The following GRM5 variants were observed in gnomAD, a reference collection of about 807,000 sequenced individuals.
GRM5 encodes the protein glutamate metabotropic receptor 5, also known as metabotropic glutamate receptor 5.
A neutral mutation model predicts 83.1 loss-of-function variants in GRM5; 19 were observed. The ratio of observed to expected loss-of-function variants is 0.23; its 90% CI spans 0.16 to 0.34. The LOEUF (loss-of-function observed/expected upper bound fraction) is 0.34, where lower values mean the gene tolerates loss of function less well. Among genes scored for constraint, GRM5 ranks in the 10% least tolerant of loss-of-function variants. GRM5 has a pLI of 1.00. For missense variants in GRM5, 1,160 were observed against 1,588.3 expected, an observed-to-expected ratio of 0.73 and a Z score of 4.58; for synonymous variants, 675 against 633.6, an observed-to-expected ratio of 1.07 and a Z score of -0.98.
chr11:88,991,544 T>C (rs947677868), intron 2 of GRM5, among the ~76,000 whole-genome samples: 6 of 150,562 alleles, frequency 4.0e-5, no homozygotes, highest in African/African-American at 7.3e-5. Context: ...AAAAAGAGCC[T>C]GCATCACCAA....
Position 88,678,561 on chromosome 11 carries a change from A to G in GRM5, c.912-25158T>C, listed in dbSNP as rs1940394976. 2.0e-5 allele frequency among the ~76,000 whole-genome samples: 3 copies of G among 152,118 alleles called. No individual in the cohort carries two copies. The South Asian group carries it at 6.2e-4, about 32-fold the overall frequency. ...TTCTTTCATCTCTTCAACTGCATTT[A>G]TTTAGCATATCCTGTATGCCAGTCA... On this transcript the variant is annotated intron_variant, in intron 3 of 9. Coordinates refer to ENST00000305447, the MANE Select transcript of GRM5 (RefSeq NM_001143831.3).
chr11:88,796,994 T>C (rs530221370), intron 3 of GRM5, among the ~76,000 whole-genome samples: 1 of 151,606 alleles, frequency 6.6e-6, no homozygotes, highest in South Asian at 2.1e-4. Flanking sequence ...AATTTCTTAG[T>C]ACAGAGTGGA....
chr11:88,636,425 T>C (rs1224321785), intron 4 of GRM5, among the ~76,000 whole-genome samples: 1 of 152,026 alleles, frequency 6.6e-6, no homozygotes, highest in Non-Finnish European at 1.5e-5. Flanking sequence ...GGCAGGATAA[T>C]TGATTGAACC....
At chr11:88,833,745 G>A (rs1944040211) in intron 3 of GRM5, among the ~76,000 whole-genome samples, 1 of 152,122 alleles carries the variant, frequency 6.6e-6, no homozygotes, top group Non-Finnish European at 1.5e-5. Context: ...TAATTGTTAA[G>A]AAATGTGGTA....
chr11:88,995,970 C>A (rs1231368694), intron 2 of GRM5, among the ~76,000 whole-genome samples: 1 of 149,382 alleles, frequency 6.7e-6, no homozygotes, highest in African/African-American at 2.5e-5. Flanking sequence ...AAATGGTCAT[C>A]AAAACCATAA....
At chr11:88,615,506 G>T (rs1938451780) in intron 4 of GRM5, among the ~76,000 whole-genome samples, 1 of 152,106 alleles carries the variant, frequency 6.6e-6, no homozygotes, top group Admixed American at 6.6e-5. Flanking sequence ...AGAGAAGGAA[G>T]CACATGGCTG....
intron 2 of GRM5, among the ~76,000 whole-genome samples, chr11:88,881,428 AG>A (rs34072009): frequency 0.28 from 42,249 of 151,918 alleles, 6,853 homozygotes; most frequent in Non-Finnish European, 0.37. Flanking sequence ...AGAGGGCAAA[AG>A]ATAAACATCT....
chr11:88,849,619 T>C (rs1368873789), intron 3 of GRM5, among the ~76,000 whole-genome samples: 1 of 152,190 alleles, frequency 6.6e-6, no homozygotes, highest in Admixed American at 6.5e-5. Flanking sequence ...CCAAGTGAAT[T>C]ACTCAAGCAT....
At chr11:88,975,533 A>T (rs1266761128) in intron 2 of GRM5, among the ~76,000 whole-genome samples, 12 of 152,142 alleles carry the variant, frequency 7.9e-5, no homozygotes, top group Non-Finnish European at 1.8e-4. Context: ...ACCCTTCATT[A>T]TATCTCAAAG....
rs199919661 is a variant in GRM5, at chr11:88,509,091, A to G, written c.3140T>C (p.Val1047Ala). The change falls in exon 10 of 10, where the codon GTG becomes GCG. Residue 1047 changes from valine (V) to alanine (A), a missense_variant. This residue lies in a region of GRM5 where 562 missense variants were observed against 532.4 expected (regional missense o/e 1.06). Coordinates refer to ENST00000305447, the MANE Select transcript of GRM5 (RefSeq NM_001143831.3). ...DDVPSLHSEP[V>A]ARSSSSQGSL... ...GCCCTGCGAGGAGCTGCTGCGCGCC[A>G]CAGGCTCCGAGTGCAGCGACGGCAC... is the stretch of plus-strand genomic sequence containing the variant. 7 of 1,549,456 alleles carry G rather than the reference A, an allele frequency of 4.5e-6. No homozygotes were observed. Among genetic ancestry groups the G allele is most frequent in the Middle Eastern group, 3.9e-4 (2 of 5,110 alleles).
At chr11:88,725,665 T>C (rs192358759) in intron 3 of GRM5, among the ~76,000 whole-genome samples, 1 of 152,128 alleles carries the variant, frequency 6.6e-6, no homozygotes, top group Non-Finnish European at 1.5e-5. Context: ...GGTACCCCTA[T>C]GGGATGAGGC....
intron 2 of GRM5, among the ~76,000 whole-genome samples, chr11:88,968,130 C>T (rs905260694): frequency 6.6e-6 from 1 of 152,086 alleles, no homozygotes; most frequent in African/African-American, 2.4e-5. Context: ...AAAAGAAATA[C>T]ATGTCATATT....
At chr11:88,875,398 C>A (rs1483453805) in intron 2 of GRM5, among the ~76,000 whole-genome samples, 1 of 151,978 alleles carries the variant, frequency 6.6e-6, no homozygotes, top group East Asian at 1.9e-4. Flanking sequence ...GGTTCTCTTA[C>A]TCTTCTACCA....
intron 3 of GRM5, among the ~76,000 whole-genome samples, chr11:88,787,358 T>C (rs1555015330): frequency 6.6e-6 from 1 of 151,882 alleles, no homozygotes; most frequent in African/African-American, 2.4e-5. Flanking sequence ...TCACAAAAAT[T>C]AAAAAGGAGA....
chr11:89,064,573 G>T (rs1942058415), intron 1 of GRM5, among the ~76,000 whole-genome samples: 1 of 152,044 alleles, frequency 6.6e-6, no homozygotes, highest in African/African-American at 2.4e-5. Flanking sequence ...TTAGTATGCA[G>T]ATCTTCAAAC....
At chr11:88,961,170 TCCAAGTGGGGTAAAAGGAGAACA>T (rs1170636103) in intron 2 of GRM5, among the ~76,000 whole-genome samples, 2 of 152,144 alleles carry the variant, frequency 1.3e-5, no homozygotes, top group Non-Finnish European at 2.9e-5. Flanking sequence ...TTTAACTGGA[TCCAAGTGGGGTAAAAGGAGAACA>T]CCAAAAGTAG....
At chr11:89,006,385 C>T (rs1448205310) in intron 2 of GRM5, among the ~76,000 whole-genome samples, 2 of 152,122 alleles carry the variant, frequency 1.3e-5, no homozygotes, top group Non-Finnish European at 2.9e-5. Flanking sequence ...GACAGTCTTC[C>T]TTTCTTTTGG....
At chr11:88,764,667 A>G (rs1942593291) in intron 3 of GRM5, among the ~76,000 whole-genome samples, 1 of 151,674 alleles carries the variant, frequency 6.6e-6, no homozygotes, top group Non-Finnish European at 1.5e-5. Flanking sequence ...ATGAAAGTGA[A>G]AACACAATAT....
chr11:88,623,541 C>G (rs546076266), intron 4 of GRM5, among the ~76,000 whole-genome samples: 3 of 152,106 alleles, frequency 2.0e-5, no homozygotes, highest in Non-Finnish European at 2.9e-5. Flanking sequence ...CTTATTTTAC[C>G]TAGATTATGG....
Sources: allele counts gnomAD v4.1 joint callset (sites outside exome capture counted in the v4.1 genomes callset), GRCh38; gene constraint gnomAD v4.1.1; regional missense constraint gnomAD v4.1.1; transcripts MANE v1.5; gene names NCBI Gene and HGNC (gene_info 2026-07-23, HGNC 2026-07-21).